Variants in FBH1 observed in about 807,000 individuals in gnomAD.
FBH1 encodes F-box DNA helicase 1, also known as DNA 3'-5' helicase 1.
FBH1 carries 43 observed loss-of-function variants against 115.5 expected under a neutral mutation model. That is an observed-to-expected ratio of 0.37 (90% confidence interval 0.29 to 0.48). The LOEUF is 0.48. Ranked by LOEUF, FBH1 falls within the 20% of genes least tolerant of loss-of-function variation. FBH1 has a pLI of 0.99. For synonymous variants in FBH1, 524 were observed against 507.8 expected, an observed-to-expected ratio of 1.03 and a Z score of -0.43; for missense variants, 1,001 against 1,337.3, an observed-to-expected ratio of 0.75 and a Z score of 3.92.
At chr10:5,908,453 AACCAAG>A (rs1843860008) in intron 3 of FBH1, among the ~76,000 whole-genome samples, 2 of 152,232 alleles carry the variant, frequency 1.3e-5, no homozygotes, top group Admixed American at 1.3e-4. Flanking sequence ...TTAGTGTTAG[AACCAAG>A]ACCAAGACCC....
At chr10:5,922,497 G>A (rs998174969) in intron 15 of FBH1, among the ~76,000 whole-genome samples, 1 of 152,218 alleles carries the variant, frequency 6.6e-6, no homozygotes, top group African/African-American at 2.4e-5. Flanking sequence ...TGTTGTAAGA[G>A]TAGTATTTTT....
upstream of FBH1, chr10:5,890,188 G>T: frequency 3.0e-6 from 1 of 338,176 alleles, no homozygotes; most frequent in Non-Finnish European, 5.6e-6. Flanking sequence ...GCGCTTCCCG[G>T]GGCTGCGGCG....
chr10:5,915,667 A>G lies in FBH1; in HGVS notation c.1565+96A>G. 8.6e-7 allele frequency: 1 copy of G among 1,166,296 alleles called. No homozygotes were observed. Among genetic ancestry groups the G allele is most frequent in the Non-Finnish European group, 1.2e-6 (1 of 809,546 alleles). The allele number at this position is 1,166,296 out of a possible 1,614,324, so 72.2% of individuals were successfully genotyped here. A position where few individuals can be genotyped will look rare whatever the true frequency, so the allele number is the denominator to read the frequency against. On this transcript the variant is annotated intron_variant, in intron 9 of 20. Coordinates refer to ENST00000362091, the MANE Select transcript of FBH1 (RefSeq NM_178150.3). This position sits in a 1 kb window ranked among gnomAD's most constrained non-coding sequence, Gnocchi z 5.2. ...TCACATGTGAGCTTACACCACAGTG[A>G]CCCCGAGGAGTGTAGTGCTGTTATC...
chr10:5,926,667 G>A (rs1386057233), intron 18 of FBH1, among the ~76,000 whole-genome samples: 1 of 152,160 alleles, frequency 6.6e-6, no homozygotes, highest in Non-Finnish European at 1.5e-5. Context: ...AGAGAGGAAG[G>A]GAGGCAGCCA....
At position 5,932,168 on chromosome 10, in the gene FBH1, G is replaced by T. The variant is rs1019375358; in HGVS notation, c.2830-4288G>T. Among the ~76,000 whole-genome samples the T allele has an allele frequency of 2.6e-5, 4 of 152,152 alleles. No individual in the cohort carries two copies. Among genetic ancestry groups the T allele is most frequent in the African/African-American group, 9.6e-5 (4 of 41,456 alleles). On this transcript the variant is annotated intron_variant, in intron 19 of 20. Transcript: ENST00000362091. The surrounding 1 kb of genome is among the most constrained non-coding windows in gnomAD (Gnocchi z 5.9). ...TCTCAAAAGAAAAGATCAAAACTTT[G>T]TGATAAGAGAAGTCTCATTACCTCC... is the stretch of plus-strand genomic sequence containing the variant.
In FBH1 at chr10:5,897,211, T is replaced by G. The variant is rs1168746695; in HGVS notation, c.2-5809T>G. Among the ~76,000 whole-genome samples the G allele has an allele frequency of 6.6e-6, 1 of 152,198 alleles. No individual in the cohort carries two copies. The highest frequency in any genetic ancestry group is 1.5e-5 in the Non-Finnish European group (1 of 68,036). ...GTGGCTTGAGTACTTACATATATAT[T>G]GTCTCATTCTCTGAATTCAGCATGG... On this transcript the variant is annotated intron_variant, in intron 1 of 20. Transcript: ENST00000362091. This position sits in a 1 kb window ranked among gnomAD's most constrained non-coding sequence, Gnocchi z 4.7.
rs1359108205 is a variant in FBH1 at position 5,923,533 on chromosome 10, G to C, written c.2323-88G>C. On this transcript the variant is annotated intron_variant, in intron 15 of 20. Transcript: ENST00000362091. The surrounding 1 kb of genome is among the most constrained non-coding windows in gnomAD (Gnocchi z 5.7). ...ATTTCAAAACCCCATCCCTGCATTT[G>C]CTTTATTTTGTTTTGTTAAAGCAAC... 1 of 1,110,482 alleles carries C rather than the reference G, an allele frequency of 9.0e-7. No individual in the cohort carries two copies. The highest frequency in any genetic ancestry group is 1.3e-6 in the Non-Finnish European group (1 of 753,500). The allele number at this position is 1,110,482 out of a possible 1,614,324, so 68.8% of individuals were successfully genotyped here. A position where few individuals can be genotyped will look rare whatever the true frequency, so the allele number is the denominator to read the frequency against.
At chr10:5,904,684 G>C (rs1175873627) in intron 2 of FBH1, among the ~76,000 whole-genome samples, 2 of 152,052 alleles carry the variant, frequency 1.3e-5, no homozygotes, top group Non-Finnish European at 2.9e-5. Flanking sequence ...AACATAATGA[G>C]ACCCCGTCTC....
At chr10:5,903,327 T>G in intron 2 of FBH1, 152 bp downstream of exon 2, 1 of 537,890 alleles carries the variant, frequency 1.9e-6, no homozygotes, top group Non-Finnish European at 2.9e-6. Context: ...GAGTTTTCCA[T>G]GAAGTTTTTT....
Position 5,916,324 on chromosome 10 carries a change from A to C in FBH1, c.1656A>C (p.Arg552Ser). ...VLAEGKGGFI[R>S]AKLVCKTLEN... ...CTGAAGGGAAGGGTGGATTCATAAG[A>C]GCCAAGCTTGTGTGTAAGACTCTAG... The change falls in exon 10 of 21, where the codon AGA becomes AGC. Residue 552 changes from arginine (R) to serine (S), a missense_variant. Coordinates refer to ENST00000362091, the MANE Select transcript of FBH1 (RefSeq NM_178150.3). 1 of 1,614,232 alleles carries C rather than the reference A, an allele frequency of 6.2e-7. No homozygotes were observed.
intron 1 of FBH1, among the ~76,000 whole-genome samples, chr10:5,898,056 T>C (rs1236226321): frequency 6.6e-6 from 1 of 152,138 alleles, no homozygotes; most frequent in African/African-American, 2.4e-5. Context: ...TGTAGGCTCC[T>C]GGACCTCCCA....
upstream of FBH1, chr10:5,889,829 G>A (rs1842580991): frequency 6.4e-6 from 1 of 156,836 alleles, no homozygotes; most frequent in African/African-American, 2.4e-5. Context: ...GCGCCGTGCA[G>A]GGTGGCTCCT....
In FBH1 at chr10:5,937,136, C is replaced by A. The variant is rs1207597393; in HGVS notation, c.2988C>A (p.Gly996=). The A allele has an allele frequency of 6.2e-7, 1 of 1,610,030 alleles. No individual in the cohort carries two copies. Among genetic ancestry groups the A allele is most frequent in the East Asian group, 2.2e-5 (1 of 44,774 alleles). ...TYSNRKENKG[G]YLCHSCAEQR... ...GCAACAGGAAGGAAAACAAGGGGGG[C>A]TACCTCTGCCACTCCTGTGCGGAGC... Residue 996 remains glycine, a synonymous_variant, in exon 21 of 21, where the codon GGC becomes GGA. Coordinates refer to ENST00000362091, the MANE Select transcript of FBH1 (RefSeq NM_178150.3).
intron 19 of FBH1, chr10:5,929,978 A>C (rs1410433065): frequency 1.3e-5 from 2 of 152,184 alleles, no homozygotes; most frequent in African/African-American, 2.4e-5. Flanking sequence ...CCACATTGTC[A>C]ATTGGTAGAA....
chr10:5,901,503 A>C (rs2131877099), intron 1 of FBH1, among the ~76,000 whole-genome samples: 1 of 151,434 alleles, frequency 6.6e-6, no homozygotes, highest in East Asian at 2.0e-4. Flanking sequence ...TACTGGTAGA[A>C]CCTGATTTTA....
intron 9 of FBH1, 39 bp from the exon 10 acceptor site, chr10:5,916,195 G>GTCC (rs1831926883): frequency 1.3e-6 from 2 of 1,575,696 alleles, no homozygotes; most frequent in African/African-American, 2.7e-5. Context: ...CACCAAGCCA[G>GTCC]GAGAGCCACG....
chr10:5,904,042 C>T (rs1048788129), intron 2 of FBH1, among the ~76,000 whole-genome samples: 2 of 152,042 alleles, frequency 1.3e-5, no homozygotes, highest in African/African-American at 4.8e-5. Context: ...GAATTCAACT[C>T]AAATATTATC....
chr10:5,897,725 T>G lies in FBH1; in HGVS notation c.2-5295T>G, dbSNP rs1181246677. Among the ~76,000 whole-genome samples the G allele has an allele frequency of 1.3e-5, 2 of 152,182 alleles. No homozygotes were observed. Among genetic ancestry groups the G allele is most frequent in the African/African-American group, 2.4e-5 (1 of 41,454 alleles). ...AACCTCAGTTCCTCCCAGGGTGGCTTCATGCCAGAACATATTGGAATATAC... is the reference window on the plus strand; with the variant it reads ...AACCTCAGTTCCTCCCAGGGTGGCTGCATGCCAGAACATATTGGAATATAC... On this transcript the variant is annotated intron_variant, in intron 1 of 20. Coordinates refer to ENST00000362091, the MANE Select transcript of FBH1 (RefSeq NM_178150.3). This position sits in a 1 kb window ranked among gnomAD's most constrained non-coding sequence, Gnocchi z 4.7.
chr10:5,937,151 C>T lies in FBH1; in HGVS notation c.3003C>T (p.Ser1001=). ...KENKGGYLCH[S]CAEQRIGPLA... Reference sequence around the variant, plus strand: ...ACAAGGGGGGCTACCTCTGCCACTCCTGTGCGGAGCAGCGCATCGGGCCCC... The same window carrying T: ...ACAAGGGGGGCTACCTCTGCCACTCTTGTGCGGAGCAGCGCATCGGGCCCC... The change falls in exon 21 of 21, where the codon TCC becomes TCT. Residue 1001 remains serine, a synonymous_variant. Transcript: ENST00000362091. 1 of 1,613,494 alleles carries T rather than the reference C, an allele frequency of 6.2e-7. No homozygotes were observed. Among genetic ancestry groups the T allele is most frequent in the South Asian group, 1.1e-5 (1 of 90,872 alleles).
Sources: gnomAD v4.1 joint callset for allele counts (sites outside exome capture counted in the v4.1 genomes callset) on GRCh38, gnomAD v4.1.1 for gene constraint, Gnocchi (gnomAD v3.1) non-coding constraint, MANE v1.5 for transcripts, NCBI Gene and HGNC (gene_info 2026-07-23, HGNC 2026-07-21) for gene names.